UTP4: variants seen among roughly 807,000 people sequenced by gnomAD.
The protein encoded by UTP4 is U3 small nucleolar RNA-associated protein 4 homolog.
In UTP4, 45 loss-of-function variants were observed where a neutral mutation model predicts 82.4. That is an observed-to-expected ratio of 0.55 (90% CI 0.43 to 0.70). The LOEUF is 0.70. UTP4 is among the 30% of genes least tolerant of loss of function. The probability of loss-of-function intolerance (pLI) is 0.00; values close to 1 mark genes in which losing one functional copy is unlikely to be tolerated. For missense variants in UTP4, 819 were observed against 858.3 expected (o/e 0.95, Z 0.57); for synonymous variants, 348 against 300.3 (o/e 1.16, Z -1.64).
intron 5 of UTP4, among the ~76,000 whole-genome samples, chr16:69,141,271 C>T (rs896012708): frequency 1.3e-5 from 2 of 152,352 alleles, no homozygotes; most frequent in African/African-American, 2.4e-5. Context: ...CTTTGCTTCT[C>T]TATCGGATAG....
intron 11 of UTP4, 108 bp downstream of exon 11, chr16:69,156,101 TATTTGGAG>T (rs1256562988): frequency 6.9e-6 from 8 of 1,161,868 alleles, no homozygotes; most frequent in Non-Finnish European, 1.0e-5. Flanking sequence ...AGTTAAAAAC[TATTTGGAG>T]ATTTGGAGAA....
intron 11 of UTP4, 71 bp downstream of exon 11, chr16:69,156,064 A>G (rs911153685): frequency 6.8e-7 from 1 of 1,477,404 alleles, no homozygotes; most frequent in Non-Finnish European, 9.5e-7. Flanking sequence ...TGTGAAGTGG[A>G]AATCAACTGG....
chr16:69,140,992 A>T (rs1021912903), intron 5 of UTP4, among the ~76,000 whole-genome samples: 23 of 152,154 alleles, frequency 1.5e-4, no homozygotes, highest in African/African-American at 5.6e-4. Flanking sequence ...TGTATATACT[A>T]CTCACATAGT....
rs953992610 is a variant in UTP4 at position 69,147,258 on chromosome 16, C to T, written c.739-3279C>T. Among the ~76,000 whole-genome samples, 7 of 151,482 alleles carry T rather than the reference C, an allele frequency of 4.6e-5. 1 individual carries two copies. The highest frequency in any genetic ancestry group is 2.0e-4 in the Admixed American group (3 of 15,216). The stretch of plus-strand genomic sequence containing the variant: ...GTGACTCACGCCTGTAAACCTACCA[C>T]TTTGGGAGGCCGATGCGGGTGGATT... On this transcript the variant is annotated intron_variant, in intron 6 of 16. Coordinates refer to ENST00000314423, the MANE Select transcript of UTP4 (RefSeq NM_032830.3).
chr16:69,165,518 A>G lies in UTP4; in HGVS notation c.1825A>G (p.Lys609Glu). The change falls in exon 15 of 17, where the codon AAG becomes GAG. Residue 609 changes from lysine to glutamate, a missense_variant. Physicochemically the swap from Lys to Glu is moderately conservative, Grantham distance 56 (BLOSUM62 1). Coordinates refer to ENST00000314423, the MANE Select transcript of UTP4 (RefSeq NM_032830.3). Reference protein sequence around the residue: ...HDAYMFCIIDKSLPLPNDKTL... With the variant: ...HDAYMFCIIDESLPLPNDKTL... ...TGCCTACATGTTCTGCATCATTGAC[A>G]AGTCATTGGTGAGTTCTTCACTGCT... is the stretch of plus-strand genomic sequence containing the variant. The G allele has an allele frequency of 6.2e-7, 1 of 1,613,772 alleles. No homozygotes were observed. Among genetic ancestry groups the G allele is most frequent in the South Asian group, 1.1e-5 (1 of 91,086 alleles).
At chr16:69,150,789 A>G in intron 7 of UTP4, 24 bp from the exon 8 acceptor site, 1 of 1,612,952 alleles carries the variant, frequency 6.2e-7, no homozygotes, top group Non-Finnish European at 8.5e-7. Flanking sequence ...CTAATTCTGT[A>G]CACCTTCTCC....
At chr16:69,134,148 A>G (rs774417867) in intron 2 of UTP4, among the ~76,000 whole-genome samples, 2 of 152,170 alleles carry the variant, frequency 1.3e-5, no homozygotes, top group Non-Finnish European at 2.9e-5. Flanking sequence ...GCAGAGGTCT[A>G]TTAGTCCTTT....
intron 15 of UTP4, chr16:69,165,956 A>C: frequency 3.3e-6 from 1 of 304,744 alleles, no homozygotes; most frequent in Non-Finnish European, 6.3e-6. Flanking sequence ...TGAGGTTTTG[A>C]CCTCTGTGCC....
intron 3 of UTP4, among the ~76,000 whole-genome samples, 170 bp downstream of exon 3, chr16:69,137,057 A>G (rs1377556897): frequency 6.6e-6 from 1 of 152,232 alleles, no homozygotes; most frequent in African/African-American, 2.4e-5. Flanking sequence ...TCTTTTTGCT[A>G]CTAGTCTGGA....
intron 2 of UTP4, among the ~76,000 whole-genome samples, chr16:69,134,198 C>T (rs1233665050): frequency 2.0e-5 from 3 of 152,084 alleles, no homozygotes; most frequent in South Asian, 2.1e-4. Flanking sequence ...TGATTTTCTT[C>T]GGGTGCAACA....
At chr16:69,164,176 G>A (rs973402722) in intron 14 of UTP4, among the ~76,000 whole-genome samples, 30 of 152,118 alleles carry the variant, frequency 2.0e-4, no homozygotes, top group Middle Eastern at 3.4e-3. Context: ...GAGCCACCGC[G>A]CCCGGCTGAT....
At chr16:69,145,446 A>G (rs1963083955) in intron 6 of UTP4, among the ~76,000 whole-genome samples, 1 of 152,002 alleles carries the variant, frequency 6.6e-6, no homozygotes, top group African/African-American at 2.4e-5. Flanking sequence ...ATTGTAGTAG[A>G]GACTGGGTTT....
chr16:69,136,593 A>G (rs1172881163), intron 2 of UTP4, 103 bp from the exon 3 acceptor site: 4 of 1,036,592 alleles, frequency 3.9e-6, no homozygotes, highest in Non-Finnish European at 6.1e-6. Flanking sequence ...ACCCCACACT[A>G]GTTATTTATG....
At chr16:69,160,539 G>A in intron 13 of UTP4, 77 bp downstream of exon 13, 1 of 1,000,934 alleles carries the variant, frequency 1.0e-6, no homozygotes, top group South Asian at 1.3e-5. Flanking sequence ...AAGATTCAAG[G>A]CAGATTGGCA....
chr16:69,137,757 G>C (rs879125546), intron 3 of UTP4, 44 bp from the exon 4 acceptor site: 1 of 1,080,506 alleles, frequency 9.3e-7, no homozygotes, highest in Non-Finnish European at 1.4e-6. Context: ...CCTATAAAAT[G>C]TTTACTATTG....
chr16:69,166,497 T>G (rs957348632), intron 15 of UTP4: 1 of 153,372 alleles, frequency 6.5e-6, no homozygotes, highest in Non-Finnish European at 1.5e-5. Flanking sequence ...ATCGCTTCCT[T>G]ACAGTAGGCA....
Position 69,150,909 on chromosome 16 carries a change from G to C in UTP4, c.1002+5G>C. ...CGAAAAATCACCTTTCCCCACGTAA[G>C]TGTCCATTCCAAGCCCCTGCTAACC... On this transcript the variant is annotated splice_donor_5th_base_variant and intron_variant, in intron 8 of 16. Transcript: ENST00000314423. The C allele has an allele frequency of 6.2e-7, 1 of 1,608,898 alleles. No individual in the cohort carries two copies.
At chr16:69,144,110 A>G (rs1180622054) in intron 6 of UTP4, among the ~76,000 whole-genome samples, 1 of 150,464 alleles carries the variant, frequency 6.6e-6, no homozygotes, top group Non-Finnish European at 1.5e-5. Flanking sequence ...CTAGTCTCGA[A>G]CTCCTGACCT....
At chr16:69,141,685 G>A (rs1017350115) in intron 5 of UTP4, among the ~76,000 whole-genome samples, 2 of 151,716 alleles carry the variant, frequency 1.3e-5, no homozygotes, top group Admixed American at 1.3e-4. Context: ...TATGCTTTCT[G>A]GGAGAGTTTG....
Sources: gnomAD v4.1 joint callset for allele counts (sites outside exome capture counted in the v4.1 genomes callset) on GRCh38, gnomAD v4.1.1 for gene constraint, MANE v1.5 for transcripts, NCBI Gene and HGNC (gene_info 2026-07-23, HGNC 2026-07-21) for gene names.